The following CEP135 variants were observed in gnomAD, a reference collection of about 807,000 sequenced individuals.
CEP135 encodes centrosomal protein of 135 kDa.
A neutral mutation model predicts 157.3 loss-of-function variants in CEP135; 142 were observed. The observed-to-expected ratio is 0.90, with a 90% CI of 0.79 to 1.04. CEP135 has a LOEUF of 1.04. Ranked by LOEUF, CEP135 falls within the 50% of genes least tolerant of loss-of-function variation. The probability of loss-of-function intolerance (pLI) is 0.00; values close to 1 mark genes in which losing one functional copy is unlikely to be tolerated. For missense variants in CEP135, 1,317 were observed against 1,309.2 expected (o/e 1.01, Z -0.09); for synonymous variants, 396 against 439.8 (o/e 0.90, Z 1.25).
At chr4:56,016,489 A>G (rs548193871) in intron 21 of CEP135, among the ~76,000 whole-genome samples, 124 of 152,208 alleles carry the variant, frequency 8.1e-4, no homozygotes, top group African/African-American at 2.7e-3. Context: ...ATTATTGTTC[A>G]TGTTCGTATG....
intron 6 of CEP135, chr4:55,961,032 G>A (rs1406981831): frequency 1.3e-5 from 2 of 150,714 alleles, no homozygotes; most frequent in African/African-American, 4.9e-5. Context: ...CTTGAACCTG[G>A]GAGGCGGAGG....
rs752081636 is a variant in CEP135, at chr4:55,971,244, CTTAA to C, written c.1111-22_1111-19del. On this transcript the variant is annotated intron_variant, in intron 9 of 25. Transcript: ENST00000257287. ...AATATTTTATAAAGTTGTTAGAAAT[CTTAA>C]TTATAGTATTAAAATTTGCAGGAAT... 5.4e-5 allele frequency: 82 copies of C among 1,514,044 alleles called. No individual in the cohort carries two copies. In the East Asian group the frequency reaches 6.5e-4, roughly 12 times the overall value. 93.8% of individuals were successfully genotyped at this position (1,514,044 alleles called of 1,614,324 possible). A position where few individuals can be genotyped will look rare whatever the true frequency, so the allele number is the denominator to read the frequency against.
intron 15 of CEP135, among the ~76,000 whole-genome samples, chr4:55,993,757 A>C (rs1159552117): frequency 6.6e-6 from 1 of 152,210 alleles, no homozygotes; most frequent in Non-Finnish European, 1.5e-5. Flanking sequence ...CAGTCTTAGA[A>C]GGCAGAGCTC....
At chr4:55,966,076 A>T in intron 8 of CEP135, 1 of 469,376 alleles carries the variant, frequency 2.1e-6, no homozygotes, top group Non-Finnish European at 3.8e-6. Context: ...TCTGAAGCAC[A>T]CCTATTCTTA....
rs767135143 is a variant in CEP135, at chr4:56,009,664, T to C, written c.2337-71T>C. 12 of 1,355,208 alleles carry C rather than the reference T, an allele frequency of 8.9e-6. No homozygotes were observed. The Admixed American group carries it at 1.1e-4, about 13-fold the overall frequency. The allele number at this position is 1,355,208 out of a possible 1,614,324, so 83.9% of individuals were successfully genotyped here. A position where few individuals can be genotyped will look rare whatever the true frequency, so the allele number is the denominator to read the frequency against. On this transcript the variant is annotated intron_variant, in intron 18 of 25. Transcript: ENST00000257287. ...TTGTATTCTAAGTATACTTAGACTATAAGTTTTCTTTTAAATGAACTACAG... is the reference window on the plus strand; with the variant it reads ...TTGTATTCTAAGTATACTTAGACTACAAGTTTTCTTTTAAATGAACTACAG...
intron 14 of CEP135, among the ~76,000 whole-genome samples, chr4:55,985,713 G>A (rs192141862): frequency 1.3e-4 from 20 of 152,134 alleles, no homozygotes; most frequent in South Asian, 2.1e-4. Flanking sequence ...TGCCCACCTC[G>A]GCCTCCCAAA....
At chr4:55,970,021 G>A (rs1218489312) in intron 9 of CEP135, among the ~76,000 whole-genome samples, 2 of 146,840 alleles carry the variant, frequency 1.4e-5, no homozygotes, top group South Asian at 2.2e-4. Context: ...CTGCAGGCAT[G>A]TGCCACCGTG....
At chr4:55,955,787 G>A (rs1033613756) in intron 4 of CEP135, among the ~76,000 whole-genome samples, 1 of 152,186 alleles carries the variant, frequency 6.6e-6, no homozygotes, top group Non-Finnish European at 1.5e-5. Context: ...CAGAGCAGGA[G>A]TCCACTTTTG....
At chr4:55,961,492 C>T (rs973563480) in intron 6 of CEP135, among the ~76,000 whole-genome samples, 4 of 151,878 alleles carry the variant, frequency 2.6e-5, no homozygotes, top group South Asian at 2.1e-4. Flanking sequence ...TGGCCGGGCA[C>T]GGTGGCTCAC....
intron 13 of CEP135, among the ~76,000 whole-genome samples, chr4:55,984,917 C>T (rs1240970353): frequency 2.0e-5 from 3 of 152,162 alleles, no homozygotes; most frequent in Non-Finnish European, 4.4e-5. Context: ...GTTTCTCTTA[C>T]ATCTCCTCTT....
intron 14 of CEP135, among the ~76,000 whole-genome samples, chr4:55,991,383 T>C (rs1430927695): frequency 6.6e-6 from 1 of 151,806 alleles, no homozygotes; most frequent in Non-Finnish European, 1.5e-5. Context: ...TTAAAAAGCT[T>C]GTGTTAGAAT....
At chr4:55,980,424 G>A (rs1037873405) in intron 12 of CEP135, 129 bp downstream of exon 12, 6 of 546,284 alleles carry the variant, frequency 1.1e-5, no homozygotes, top group Non-Finnish European at 1.8e-5. Flanking sequence ...AAAATTATCA[G>A]TAGTAGTTTC....
At chr4:55,985,186 C>T in intron 13 of CEP135, 95 bp from the exon 14 acceptor site, 1 of 559,372 alleles carries the variant, frequency 1.8e-6, no homozygotes. Flanking sequence ...AGGACAAATA[C>T]AATATAATAG....
intron 13 of CEP135, among the ~76,000 whole-genome samples, chr4:55,984,483 A>G (rs1729510799): frequency 6.6e-6 from 1 of 152,182 alleles, no homozygotes; most frequent in African/African-American, 2.4e-5. Flanking sequence ...TGTCTTTTCT[A>G]CTAAGCTACA....
Position 55,985,337 on chromosome 4 carries a change from T to C in CEP135, c.1836T>C (p.His612=). 2 of 1,592,408 alleles carry C rather than the reference T, an allele frequency of 1.3e-6. No homozygotes were observed. The highest frequency in any genetic ancestry group is 1.7e-6 in the Non-Finnish European group (2 of 1,161,934). Residue 612 remains histidine, a synonymous_variant, in exon 14 of 26, where the codon CAT becomes CAC. Coordinates refer to ENST00000257287, the MANE Select transcript of CEP135 (RefSeq NM_025009.5). ...CAGAATTAGAGAAAACTATTGAACA[T>C]TTGACATGTGTTAATCATCAGGTAA... The part of the protein sequence containing the change: ...GKSELEKTIE[H]LTCVNHQLES...
At chr4:55,965,615 A>G (rs1728816117) in intron 7 of CEP135, 29 bp from the exon 8 acceptor site, 2 of 1,496,652 alleles carry the variant, frequency 1.3e-6, no homozygotes, top group African/African-American at 1.4e-5. Flanking sequence ...TCCAATTCAT[A>G]TACCTCATAA....
chr4:56,024,308 A>G (rs1731078262), intron 24 of CEP135, among the ~76,000 whole-genome samples, 193 bp from the exon 25 acceptor site: 1 of 151,066 alleles, frequency 6.6e-6, no homozygotes, highest in Non-Finnish European at 1.5e-5. Flanking sequence ...TCCTCACTAT[A>G]TATATATATT....
At chr4:55,957,799 A>G (rs1273721706) in intron 5 of CEP135, among the ~76,000 whole-genome samples, 1 of 152,214 alleles carries the variant, frequency 6.6e-6, no homozygotes, top group Non-Finnish European at 1.5e-5. Flanking sequence ...CTTACATTTG[A>G]ATCATATATA....
chr4:56,003,622 T>A (rs1220553406), intron 17 of CEP135, among the ~76,000 whole-genome samples: 3 of 152,222 alleles, frequency 2.0e-5, no homozygotes, highest in Non-Finnish European at 4.4e-5. Context: ...CCTTTCTAGT[T>A]TCTGGTTGAG....
Sources: gnomAD v4.1 joint callset for allele counts (sites outside exome capture counted in the v4.1 genomes callset) on GRCh38, gnomAD v4.1.1 for gene constraint, MANE v1.5 for transcripts, NCBI Gene and HGNC (gene_info 2026-07-23, HGNC 2026-07-21) for gene names.